The following KCNH8 variants were observed in gnomAD, a reference collection of about 807,000 sequenced individuals.
The protein encoded by KCNH8 is voltage-gated delayed rectifier potassium channel KCNH8.
KCNH8 carries 70 observed loss-of-function variants against 103.6 expected under a neutral mutation model. That is an observed-to-expected ratio of 0.68 (90% confidence interval 0.56 to 0.82). The LOEUF (loss-of-function observed/expected upper bound fraction) is 0.82, where lower values mean the gene tolerates loss of function less well. Among genes scored for constraint, KCNH8 ranks in the 40% least tolerant of loss-of-function variants. The pLI is 0.00. For missense variants in KCNH8, 1,217 were observed against 1,329.9 expected, an observed-to-expected ratio of 0.92 and a Z score of 1.32; for synonymous variants, 498 against 489.4, an observed-to-expected ratio of 1.02 and a Z score of -0.23.
At chr3:19,219,622 C>T (rs189921717) in intron 1 of KCNH8, among the ~76,000 whole-genome samples, 6 of 152,308 alleles carry the variant, frequency 3.9e-5, no homozygotes, top group Admixed American at 3.3e-4. Context: ...TGCAACATGG[C>T]TTTTCCATGC....
intron 5 of KCNH8, among the ~76,000 whole-genome samples, chr3:19,355,693 T>C (rs965708412): frequency 1.3e-5 from 2 of 152,050 alleles, no homozygotes; most frequent in South Asian, 4.1e-4. Flanking sequence ...TGAGAATACT[T>C]GGACACAGGG....
intron 5 of KCNH8, among the ~76,000 whole-genome samples, chr3:19,372,139 T>A (rs527631366): frequency 0.032 from 4,798 of 152,190 alleles, 109 homozygotes; most frequent in Non-Finnish European, 0.044. Flanking sequence ...TTTTTTCCAA[T>A]TCTGTGAAGA....
At chr3:19,483,942 TATTTAC>T (rs1188939970) in intron 11 of KCNH8, among the ~76,000 whole-genome samples, 2 of 152,176 alleles carry the variant, frequency 1.3e-5, no homozygotes, top group Non-Finnish European at 2.9e-5. Flanking sequence ...ACAAGACCAG[TATTTAC>T]ATTTATATTT....
chr3:19,487,497 T>C (rs1353730689), intron 11 of KCNH8, among the ~76,000 whole-genome samples: 2 of 152,154 alleles, frequency 1.3e-5, no homozygotes, highest in Non-Finnish European at 2.9e-5. Context: ...GAGATGAACC[T>C]GGATTCCCTC....
chr3:19,179,425 T>C (rs935193786), intron 1 of KCNH8, among the ~76,000 whole-genome samples: 7 of 152,156 alleles, frequency 4.6e-5, no homozygotes, highest in African/African-American at 1.7e-4. Context: ...GTTGTAGTTA[T>C]TTCTCTCCAA....
rs66509260 is a variant in KCNH8 at position 19,284,508 on chromosome 3, GGTGTGTGTGTGTGTGTGT to G, written c.442+3207_442+3224del. Among the ~76,000 whole-genome samples the G allele has an allele frequency of 2.2e-3, 296 of 136,618 alleles. 1 individual carries two copies. The highest frequency in any genetic ancestry group is 0.011 in the Admixed American group (150 of 13,582). The allele number at this position is 136,618 out of a possible 152,430, so 89.6% of individuals were successfully genotyped here. A position where few individuals can be genotyped will look rare whatever the true frequency, so the allele number is the denominator to read the frequency against. On this transcript the variant is annotated intron_variant, in intron 3 of 15. Coordinates refer to ENST00000328405, the MANE Select transcript of KCNH8 (RefSeq NM_144633.3). ...ATAGCTTTCAGCTGGTGGATCTGCT[GGTGTGTGTGTGTGTGTGT>G]GTGTGTGTGTGTGTGTGTGTGTGTG... is the stretch of plus-strand genomic sequence containing the variant.
At chr3:19,367,661 A>G (rs7645658) in intron 5 of KCNH8, among the ~76,000 whole-genome samples, 89,060 of 151,508 alleles carry the variant, frequency 0.59, 26,906 homozygotes, top group African/African-American at 0.73. Flanking sequence ...AACAAAATAT[A>G]ACATGTAGCT....
At chr3:19,425,866 T>C (rs948668624) in intron 7 of KCNH8, among the ~76,000 whole-genome samples, 2 of 152,030 alleles carry the variant, frequency 1.3e-5, no homozygotes, top group East Asian at 3.9e-4. Context: ...GACTACCACA[T>C]AGAGGGAAGA....
chr3:19,481,938 C>G (rs2068094171), intron 11 of KCNH8, among the ~76,000 whole-genome samples: 1 of 152,154 alleles, frequency 6.6e-6, no homozygotes, highest in South Asian at 2.1e-4. Flanking sequence ...AGACTAGAAC[C>G]CCTCAGACAA....
chr3:19,192,216 A>T (rs879315079), intron 1 of KCNH8, among the ~76,000 whole-genome samples: 2 of 151,516 alleles, frequency 1.3e-5, no homozygotes, highest in African/African-American at 4.8e-5. Context: ...AAAATGTGTT[A>T]CCTAGGATTT....
chr3:19,376,660 C>T (rs2125121404), intron 5 of KCNH8, among the ~76,000 whole-genome samples: 2 of 152,300 alleles, frequency 1.3e-5, no homozygotes, highest in Middle Eastern at 6.8e-3. Context: ...ATGTATTGCC[C>T]ACAGCCTGAT....
chr3:19,383,914 T>A (rs1031077676), intron 5 of KCNH8, among the ~76,000 whole-genome samples: 2 of 152,180 alleles, frequency 1.3e-5, no homozygotes, highest in Non-Finnish European at 2.9e-5. Context: ...TTTTTCAGTA[T>A]GTTTATGTTT....
At chr3:19,446,439 G>C (rs1575075781) in intron 8 of KCNH8, among the ~76,000 whole-genome samples, 1 of 152,016 alleles carries the variant, frequency 6.6e-6, no homozygotes, top group East Asian at 1.9e-4. Flanking sequence ...CATATGATGA[G>C]CTATTGTGTT....
At chr3:19,307,219 A>AT (rs2065141930) in intron 3 of KCNH8, among the ~76,000 whole-genome samples, 1 of 152,024 alleles carries the variant, frequency 6.6e-6, no homozygotes, top group Non-Finnish European at 1.5e-5. Context: ...AGAAAAAAAA[A>AT]GCAATCCAAT....
chr3:19,498,825 C>T (rs918503239), intron 11 of KCNH8, among the ~76,000 whole-genome samples: 1 of 152,086 alleles, frequency 6.6e-6, no homozygotes, highest in Non-Finnish European at 1.5e-5. Flanking sequence ...TGCAGGTCTG[C>T]TGGAGTACCC....
At chr3:19,448,625 A>C (rs1416976163) in intron 8 of KCNH8, among the ~76,000 whole-genome samples, 1 of 152,066 alleles carries the variant, frequency 6.6e-6, no homozygotes, top group Non-Finnish European at 1.5e-5. Context: ...GATAGAAGTA[A>C]TAATATGTTG....
In KCNH8 at chr3:19,451,157, T is replaced by A. The variant is rs1266911678; in HGVS notation, c.1578T>A (p.Leu526=). The A allele has an allele frequency of 1.2e-6, 2 of 1,613,516 alleles. No individual in the cohort carries two copies. The highest frequency in any genetic ancestry group is 1.7e-6 in the Non-Finnish European group (2 of 1,179,600). Residue 526 remains leucine, a splice_region_variant and synonymous_variant, in exon 10 of 16, where the codon CTT becomes CTA. Coordinates refer to ENST00000328405, the MANE Select transcript of KCNH8 (RefSeq NM_144633.3). ...SVNNGIDSNE[L]LKDFPDELRS... ...TCCTCCTTCATCTTCTCTGACAGCT[T>A]TTGAAAGACTTTCCAGATGAACTGC...
chr3:19,404,741 T>C (rs1035058706), intron 7 of KCNH8, among the ~76,000 whole-genome samples: 1 of 151,962 alleles, frequency 6.6e-6, no homozygotes, highest in African/African-American at 2.4e-5. Context: ...ATCTACTGAC[T>C]TGAGGTTTGG....
intron 7 of KCNH8, among the ~76,000 whole-genome samples, chr3:19,407,895 C>CACTTCTG (rs923707680): frequency 2.0e-5 from 3 of 152,112 alleles, no homozygotes; most frequent in African/African-American, 7.2e-5. Context: ...CATGTAGGCA[C>CACTTCTG]ACTTCTGGGT....
Sources: gnomAD v4.1 joint callset for allele counts (sites outside exome capture counted in the v4.1 genomes callset) on GRCh38, gnomAD v4.1.1 for gene constraint, MANE v1.5 for transcripts, NCBI Gene and HGNC (gene_info 2026-07-23, HGNC 2026-07-21) for gene names.